The following UPRT variants were observed in gnomAD, a reference collection of about 807,000 sequenced individuals.
UPRT encodes RP11-311P8.3.
UPRT carries 5 observed loss-of-function variants against 22.6 expected under a neutral mutation model. That is an observed-to-expected ratio of 0.22 (90% CI 0.12 to 0.47). The LOEUF (loss-of-function observed/expected upper bound fraction) is 0.47. Among genes scored for constraint, UPRT ranks in the 20% least tolerant of loss-of-function variants. The pLI, the probability that UPRT is intolerant of heterozygous loss-of-function variation, is 0.99. For synonymous variants in UPRT, 77 were observed against 87.7 expected, an observed-to-expected ratio of 0.88 and a Z score of 0.68; for missense variants, 181 against 239.9, an observed-to-expected ratio of 0.75 and a Z score of 1.62.
At chrX:75,180,681 GTTTTTTTTTTTTTGTTTTTT>G (rs2082266499) in intron 4 of UPRT, among the ~76,000 whole-genome samples, 1 of 43,895 alleles carries the variant, frequency 2.3e-5, no homozygotes, top group Non-Finnish European at 3.8e-5. Context: ...CCTTTTCTCT[GTTTTTTTTTTTTTGTTTTTT>G]TTTTTTTTTT....
chrX:75,265,663 G>A (rs2082585879), intron 4 of UPRT, among the ~76,000 whole-genome samples: 1 of 111,878 alleles, frequency 8.9e-6, no homozygotes, highest in African/African-American at 3.2e-5. Flanking sequence ...ATCATCTGAA[G>A]CCTTCTTCTC....
chrX:75,287,185 G>A lies in UPRT; in HGVS notation c.387-6287G>A, dbSNP rs147362079. On this transcript the variant is annotated intron_variant, in intron 1 of 6. Coordinates refer to ENST00000373383, the MANE Select transcript of UPRT (RefSeq NM_145052.4). ...AAAAAAAAGATGAGGGTTGTTAAGT[G>A]TATTCTGAATAGAGAGAAGAAACAG... Among the ~76,000 whole-genome samples the A allele has an allele frequency of 8.9e-3, 989 of 111,499 alleles. 6 individuals carry two copies. The highest frequency in any genetic ancestry group is 0.03 in the African/African-American group (915 of 30,732).
chrX:75,265,256 A>C (rs1569277908), intron 4 of UPRT, among the ~76,000 whole-genome samples: 2 of 111,796 alleles, frequency 1.8e-5, no homozygotes, highest in African/African-American at 6.5e-5. Context: ...GTTCTCCTGG[A>C]GAATATCCTG....
intron 4 of UPRT, among the ~76,000 whole-genome samples, chrX:75,257,251 G>A (rs1001856549): frequency 8.9e-6 from 1 of 111,884 alleles, no homozygotes; most frequent in African/African-American, 3.2e-5. Context: ...CACATAAACA[G>A]AATCAAAAAC....
chrX:75,280,620 A>G (rs987272625), intron 1 of UPRT, among the ~76,000 whole-genome samples: 1 of 111,453 alleles, frequency 9.0e-6, no homozygotes, highest in Non-Finnish European at 1.9e-5. Flanking sequence ...GTTCTGTTCC[A>G]TTGGTCTTTG....
In UPRT at chrX:75,196,366, A is replaced by C. The variant is rs747841928; in HGVS notation, c.-447+28487A>C. 4.5e-5 allele frequency among the ~76,000 whole-genome samples: 5 copies of C among 111,731 alleles called. No individual in the cohort carries two copies. The South Asian group carries it at 1.9e-3, about 42-fold the overall frequency. On this transcript the variant is annotated intron_variant, in intron 4 of 13. Coordinates refer to the UPRT transcript ENST00000652605. ...TTAATACATGTTTTGATAATGAGTA[A>C]ATTTAATTATCTGAGTATTACAAAT... is the stretch of plus-strand genomic sequence containing the variant.
chrX:75,176,061 T>C (rs995866188), intron 4 of UPRT, among the ~76,000 whole-genome samples: 1 of 111,502 alleles, frequency 9.0e-6, no homozygotes, highest in African/African-American at 3.3e-5. Flanking sequence ...GGAGTATATT[T>C]TCTTAAGGCC....
intron 4 of UPRT, among the ~76,000 whole-genome samples, chrX:75,225,323 CCACACACACA>C (rs57493246): frequency 2.3e-3 from 185 of 82,039 alleles, no homozygotes; most frequent in Non-Finnish European, 2.6e-3. Context: ...AAACCAAAAA[CCACACACACA>C]CACACACACA....
upstream of UPRT, among the ~76,000 whole-genome samples, chrX:75,272,287 C>T (rs867928805): frequency 1.6e-5 from 1 of 61,185 alleles, no homozygotes. Flanking sequence ...TATATATATA[C>T]ACATATATAT....
intron 4 of UPRT, among the ~76,000 whole-genome samples, chrX:75,186,619 G>T (rs1014427228): frequency 9.0e-6 from 1 of 111,396 alleles, no homozygotes; most frequent in Non-Finnish European, 1.9e-5. Flanking sequence ...GTTGACAGTG[G>T]GGTGTTAAAA....
chrX:75,257,998 C>T (rs1416173509), intron 4 of UPRT, among the ~76,000 whole-genome samples: 3 of 110,067 alleles, frequency 2.7e-5, no homozygotes, highest in South Asian at 4.0e-4. Context: ...AGGGAATTCT[C>T]TCCCCTACCC....
Position 75,302,007 on chromosome X carries a change from A to G in UPRT, c.823+1042A>G, listed in dbSNP as rs371374288. On this transcript the variant is annotated intron_variant, in intron 6 of 6. Transcript: ENST00000373383. The stretch of plus-strand genomic sequence containing the variant: ...ATTGGTATTTTTCAAATGTTCTACA[A>G]TGAATTTGTATTTGCTTCATAATTT... Among the ~76,000 whole-genome samples the G allele has an allele frequency of 8.0e-5, 9 of 111,843 alleles. No individual in the cohort carries two copies. In the East Asian group the frequency reaches 2.0e-3, roughly 24 times the overall value.
chrX:75,156,926 C>CACACACACACACACACACAG (rs748263766), intron 1 of UPRT, among the ~76,000 whole-genome samples: 20 of 108,931 alleles, frequency 1.8e-4, no homozygotes, highest in African/African-American at 6.7e-4. Flanking sequence ...CACACACACA[C>CACACACACACACACACACAG]AGAGAGACTA....
At chrX:75,244,573 C>G (rs2082498191) in intron 4 of UPRT, among the ~76,000 whole-genome samples, 2 of 111,116 alleles carry the variant, frequency 1.8e-5, no homozygotes, top group Non-Finnish European at 3.8e-5. Flanking sequence ...ACCAGTGGAA[C>G]AGAATATACC....
chrX:75,246,279 G>A (rs889679219), intron 4 of UPRT, among the ~76,000 whole-genome samples: 54 of 78,326 alleles, frequency 6.9e-4, no homozygotes, highest in Middle Eastern at 9.4e-3. Flanking sequence ...GACAGGCCTC[G>A]GTGTGTGATG....
intron 4 of UPRT, among the ~76,000 whole-genome samples, chrX:75,234,147 T>A (rs2082450647): frequency 1.8e-5 from 2 of 110,418 alleles, no homozygotes; most frequent in Admixed American, 1.9e-4. Context: ...TAGTCTCTGA[T>A]AAAACAGACT....
intron 1 of UPRT, among the ~76,000 whole-genome samples, chrX:75,276,348 A>G (rs2082631731): frequency 8.9e-6 from 1 of 112,012 alleles, no homozygotes; most frequent in African/African-American, 3.2e-5. Context: ...TGCAAATAAT[A>G]GATGCTCAAT....
chrX:75,173,701 G>C (rs1412289444), intron 4 of UPRT, among the ~76,000 whole-genome samples: 1 of 112,414 alleles, frequency 8.9e-6, no homozygotes, highest in Non-Finnish European at 1.9e-5. Context: ...GAGTGGGTGG[G>C]AGGCTTAGGC....
chrX:75,172,970 C>T (rs1252898180), intron 4 of UPRT, among the ~76,000 whole-genome samples: 3 of 111,316 alleles, frequency 2.7e-5, no homozygotes, highest in African/African-American at 6.6e-5. Flanking sequence ...CTCGGGCAGC[C>T]TGCTTTTATT....
Sources: allele counts gnomAD v4.1 joint callset (sites outside exome capture counted in the v4.1 genomes callset), GRCh38; gene constraint gnomAD v4.1.1; transcripts MANE v1.5; gene names NCBI Gene and HGNC (gene_info 2026-07-23, HGNC 2026-07-21).